TMEM108: variants seen among roughly 807,000 people sequenced by gnomAD.
TMEM108 encodes cancer/testis antigen 124.
TMEM108 carries 12 observed loss-of-function variants against 35.1 expected under a neutral mutation model. That is an observed-to-expected ratio of 0.34 (90% CI 0.22 to 0.55). The LOEUF is 0.55. Among genes scored for constraint, TMEM108 ranks in the 20% least tolerant of loss-of-function variants. The pLI, the probability that TMEM108 is intolerant of heterozygous loss-of-function variation, is 0.89. For missense variants in TMEM108, 680 were observed against 753.3 expected, an observed-to-expected ratio of 0.90 and a Z score of 1.14; for synonymous variants, 287 against 308.6, an observed-to-expected ratio of 0.93 and a Z score of 0.73.
intron 3 of TMEM108, among the ~76,000 whole-genome samples, chr3:133,288,386 A>C (rs1947014349): frequency 6.6e-6 from 1 of 152,236 alleles, no homozygotes; most frequent in Non-Finnish European, 1.5e-5. Flanking sequence ...AGAACAAAGA[A>C]ATCAGACCAA....
At chr3:133,101,269 C>T (rs1944083620) in intron 2 of TMEM108, among the ~76,000 whole-genome samples, 1 of 152,170 alleles carries the variant, frequency 6.6e-6, no homozygotes, top group African/African-American at 2.4e-5. Flanking sequence ...TTGCCCAGTG[C>T]TGTGTGTATC....
At position 133,177,653 on chromosome 3, in the gene TMEM108, G is replaced by T. The variant is rs191358591; in HGVS notation, c.-46-51613G>T. On this transcript the variant is annotated intron_variant, in intron 2 of 5. Coordinates refer to ENST00000321871, the MANE Select transcript of TMEM108 (RefSeq NM_023943.4). ...AAAAACTCTCAATAAGGTATTGATGGGACGTATCTCAAAATAATAAGAGCT... is the reference window on the plus strand; with the variant it reads ...AAAAACTCTCAATAAGGTATTGATGTGACGTATCTCAAAATAATAAGAGCT... 5.3e-5 allele frequency among the ~76,000 whole-genome samples: 8 copies of T among 152,238 alleles called. No homozygotes were observed. In the East Asian group the frequency reaches 7.7e-4, roughly 15 times the overall value.
intron 2 of TMEM108, among the ~76,000 whole-genome samples, chr3:133,154,474 A>G (rs971053823): frequency 1.3e-5 from 2 of 152,154 alleles, no homozygotes; most frequent in East Asian, 3.8e-4. Flanking sequence ...ATGTCCAACA[A>G]CGATAGACTG....
intron 2 of TMEM108, among the ~76,000 whole-genome samples, chr3:133,095,017 T>C (rs559300406): frequency 1.3e-5 from 2 of 152,342 alleles, no homozygotes; most frequent in African/African-American, 4.8e-5. Context: ...CTCAGTACTA[T>C]GCCATTCACT....
intron 2 of TMEM108, among the ~76,000 whole-genome samples, chr3:133,072,503 C>T (rs531490436): frequency 6.6e-6 from 1 of 151,884 alleles, no homozygotes; most frequent in African/African-American, 2.4e-5. Context: ...GATCATAACT[C>T]TTATGTCAGT....
chr3:133,195,834 A>C (rs1377866443), intron 2 of TMEM108, among the ~76,000 whole-genome samples: 1 of 152,256 alleles, frequency 6.6e-6, no homozygotes, highest in Non-Finnish European at 1.5e-5. Context: ...CTTTGAACAC[A>C]AACAGTACAT....
chr3:133,367,732 C>T (rs1040770377), intron 3 of TMEM108, among the ~76,000 whole-genome samples: 1 of 152,222 alleles, frequency 6.6e-6, no homozygotes, highest in Non-Finnish European at 1.5e-5. Context: ...AGGGAGCAGA[C>T]CCCCTCCTTA....
intron 2 of TMEM108, among the ~76,000 whole-genome samples, chr3:133,189,297 C>A (rs913767691): frequency 1.3e-5 from 2 of 152,182 alleles, no homozygotes; most frequent in African/African-American, 4.8e-5. Context: ...ATGACCTTTA[C>A]ATAGAGAGGA....
chr3:133,364,266 C>T (rs2072440304), intron 3 of TMEM108, among the ~76,000 whole-genome samples: 2 of 152,180 alleles, frequency 1.3e-5, no homozygotes, highest in Admixed American at 1.3e-4. Context: ...ACTACAACTC[C>T]CTGAACAGTA....
intron 2 of TMEM108, among the ~76,000 whole-genome samples, chr3:133,134,659 T>C (rs1217820389): frequency 6.6e-6 from 1 of 152,164 alleles, no homozygotes; most frequent in Non-Finnish European, 1.5e-5. Context: ...GTACAAGTGG[T>C]ATTTTTGGCT....
intron 3 of TMEM108, among the ~76,000 whole-genome samples, chr3:133,230,235 G>A (rs1946133011): frequency 6.6e-6 from 1 of 152,200 alleles, no homozygotes; most frequent in Non-Finnish European, 1.5e-5. Context: ...ATATTGAGAT[G>A]CAAATCACCA....
chr3:133,129,637 C>G (rs899450866), intron 2 of TMEM108, among the ~76,000 whole-genome samples: 9 of 151,952 alleles, frequency 5.9e-5, no homozygotes, highest in Admixed American at 5.2e-4. Context: ...GCCTTTCATT[C>G]AATGAAAAAG....
chr3:133,101,135 G>T (rs182504223), intron 2 of TMEM108, among the ~76,000 whole-genome samples: 2 of 152,278 alleles, frequency 1.3e-5, no homozygotes, highest in South Asian at 2.1e-4. Flanking sequence ...AGCCTTGTAT[G>T]TAAAAATGTA....
intron 2 of TMEM108, among the ~76,000 whole-genome samples, chr3:133,145,148 T>C (rs1944699282): frequency 6.6e-6 from 1 of 152,240 alleles, no homozygotes; most frequent in African/African-American, 2.4e-5. Context: ...CTATAAGATG[T>C]AAAGAAGGGG....
intron 1 of TMEM108, among the ~76,000 whole-genome samples, chr3:133,039,962 A>G (rs934282651): frequency 3.3e-5 from 5 of 152,192 alleles, no homozygotes; most frequent in African/African-American, 7.2e-5. Flanking sequence ...ATATTTTTTT[A>G]AGAGGGAACA....
intron 3 of TMEM108, among the ~76,000 whole-genome samples, chr3:133,294,458 G>A (rs1393736883): frequency 6.6e-6 from 1 of 152,088 alleles, no homozygotes; most frequent in Non-Finnish European, 1.5e-5. Context: ...CTCATCTCAG[G>A]ATGTTTTCTC....
At chr3:133,139,746 G>T (rs888405055) in intron 2 of TMEM108, among the ~76,000 whole-genome samples, 1 of 152,170 alleles carries the variant, frequency 6.6e-6, no homozygotes, top group Non-Finnish European at 1.5e-5. Context: ...TTTTGTGTTT[G>T]CTCGTTCCAA....
At chr3:133,317,699 A>G (rs2071217072) in intron 3 of TMEM108, among the ~76,000 whole-genome samples, 1 of 152,228 alleles carries the variant, frequency 6.6e-6, no homozygotes, top group Non-Finnish European at 1.5e-5. Context: ...TCTATTTTCA[A>G]TATAACTCCA....
intron 3 of TMEM108, among the ~76,000 whole-genome samples, chr3:133,328,713 G>A (rs1393686370): frequency 6.6e-6 from 1 of 152,188 alleles, no homozygotes; most frequent in Non-Finnish European, 1.5e-5. Context: ...TGCAGCTGCA[G>A]ACAGAATCCA....
Sources: gnomAD v4.1 joint callset for allele counts (sites outside exome capture counted in the v4.1 genomes callset) on GRCh38, gnomAD v4.1.1 for gene constraint, MANE v1.5 for transcripts, NCBI Gene and HGNC (gene_info 2026-07-23, HGNC 2026-07-21) for gene names.